FAM83B: variants seen among roughly 807,000 people sequenced by gnomAD.
FAM83B encodes protein FAM83B.
A neutral mutation model predicts 38.8 loss-of-function variants in FAM83B; 26 were observed. The ratio of observed to expected loss-of-function variants is 0.67; its 90% CI spans 0.49 to 0.93. FAM83B has a LOEUF of 0.93. Ranked by LOEUF, FAM83B falls within the 40% of genes least tolerant of loss-of-function variation. The probability of loss-of-function intolerance (pLI) is 0.00; values close to 1 mark genes in which losing one functional copy is unlikely to be tolerated. For missense variants in FAM83B, 1,237 were observed against 1,197.3 expected (o/e 1.03, Z -0.49); for synonymous variants, 419 against 423.1 (o/e 0.99, Z 0.12).
chr6:54,884,966 G>T (rs983311960), intron 2 of FAM83B, among the ~76,000 whole-genome samples: 1 of 152,018 alleles, frequency 6.6e-6, no homozygotes, highest in Non-Finnish European at 1.5e-5. Flanking sequence ...TAGAGACGGG[G>T]TTTCACTGTG....
intron 1 of FAM83B, among the ~76,000 whole-genome samples, chr6:54,857,767 A>G (rs993715925): frequency 1.3e-5 from 2 of 152,222 alleles, no homozygotes; most frequent in African/African-American, 4.8e-5. Context: ...CTTACTTCAC[A>G]TAATAAGTGT....
intron 4 of FAM83B, among the ~76,000 whole-genome samples, chr6:54,933,187 C>A (rs1034147215): frequency 6.6e-6 from 1 of 151,554 alleles, no homozygotes; most frequent in African/African-American, 2.4e-5. Context: ...TATCCATGAC[C>A]TGTCTTCAAG....
At chr6:54,848,215 T>C (rs1478557460) in intron 1 of FAM83B, among the ~76,000 whole-genome samples, 1 of 152,202 alleles carries the variant, frequency 6.6e-6, no homozygotes, top group Non-Finnish European at 1.5e-5. Context: ...TGTTTCTCTC[T>C]GTCTTCCTAT....
chr6:54,847,985 G>A (rs1018820274), intron 1 of FAM83B, among the ~76,000 whole-genome samples: 1 of 151,958 alleles, frequency 6.6e-6, no homozygotes, highest in Non-Finnish European at 1.5e-5. Flanking sequence ...CCTAACAAGT[G>A]CAAGAGCCCC....
chr6:54,922,655 A>G (rs1297166111), intron 2 of FAM83B, among the ~76,000 whole-genome samples: 2 of 152,116 alleles, frequency 1.3e-5, no homozygotes, highest in Non-Finnish European at 2.9e-5. Flanking sequence ...TGTTCTTTCT[A>G]GAGAAAATCT....
intron 2 of FAM83B, among the ~76,000 whole-genome samples, chr6:54,889,619 A>G (rs1772356772): frequency 6.6e-6 from 1 of 152,148 alleles, no homozygotes; most frequent in African/African-American, 2.4e-5. Flanking sequence ...GTACAAAGCA[A>G]GTGCTGTGTA....
At chr6:54,925,610 A>G (rs182301641) in intron 2 of FAM83B, among the ~76,000 whole-genome samples, 77 of 152,242 alleles carry the variant, frequency 5.1e-4, no homozygotes, top group African/African-American at 1.8e-3. Context: ...AATTTTAGGC[A>G]AGTACAGCTG....
chr6:54,915,071 T>G (rs1411672133), intron 2 of FAM83B, among the ~76,000 whole-genome samples: 1 of 152,054 alleles, frequency 6.6e-6, no homozygotes, highest in South Asian at 2.1e-4. Flanking sequence ...ATTCTTTTGA[T>G]GTTCACCCAC....
intron 1 of FAM83B, among the ~76,000 whole-genome samples, chr6:54,868,812 A>G (rs1260522666): frequency 6.6e-6 from 1 of 152,188 alleles, no homozygotes; most frequent in Non-Finnish European, 1.5e-5. Flanking sequence ...TTATTCCTGT[A>G]TCATATTTAA....
chr6:54,926,662 T>C lies in FAM83B; in HGVS notation c.609+127T>C, dbSNP rs962596245. 2.6e-5 allele frequency: 17 copies of C among 643,284 alleles called. No homozygotes were observed. In the Middle Eastern group the frequency reaches 1.8e-3, roughly 69 times the overall value. 39.8% of individuals were successfully genotyped at this position (643,284 alleles called of 1,614,324 possible). A position where few individuals can be genotyped will look rare whatever the true frequency, so the allele number is the denominator to read the frequency against. ...AAAAAAAAATACGTATTTAAGGTTA[T>C]GGAATGATTGATCACAGAAAGGTCC... On this transcript the variant is annotated intron_variant, in intron 3 of 4. Transcript: ENST00000306858.
intron 2 of FAM83B, among the ~76,000 whole-genome samples, chr6:54,884,775 ATT>A (rs34445504): frequency 9.2e-4 from 130 of 141,558 alleles, no homozygotes; most frequent in East Asian, 1.5e-3. Flanking sequence ...GTCCTCCAGT[ATT>A]TTTTTTTTTT....
At chr6:54,924,747 G>A (rs1341655653) in intron 2 of FAM83B, among the ~76,000 whole-genome samples, 1 of 151,710 alleles carries the variant, frequency 6.6e-6, no homozygotes. Flanking sequence ...AAGACCTTTG[G>A]ACTCAAAGAT....
chr6:54,876,334 T>TG lies in FAM83B; in HGVS notation c.444+5644_444+5645insG, dbSNP rs386407119. Among the ~76,000 whole-genome samples the TG allele has an allele frequency of 1.5e-3, 220 of 145,306 alleles. No individual in the cohort carries two copies. In the Middle Eastern group the frequency reaches 0.018, roughly 12 times the overall value. On this transcript the variant is annotated intron_variant, in intron 2 of 4. Transcript: ENST00000306858. ...ATATATATATATGTTTTTGTTTTTT[T>TG]TTTTTTTGAGACAGAGTTTTGTTCT...
intron 2 of FAM83B, among the ~76,000 whole-genome samples, chr6:54,887,498 A>C (rs763808835): frequency 2.6e-5 from 4 of 152,108 alleles, no homozygotes; most frequent in Non-Finnish European, 4.4e-5. Flanking sequence ...TAATTCTTGT[A>C]TAGTCCTCCT....
At chr6:54,874,904 G>A (rs1213061158) in intron 2 of FAM83B, among the ~76,000 whole-genome samples, 1 of 152,130 alleles carries the variant, frequency 6.6e-6, no homozygotes, top group African/African-American at 2.4e-5. Context: ...TCCTGGGTGT[G>A]TCTGTTATGG....
At chr6:54,871,601 G>T (rs533513418) in intron 2 of FAM83B, among the ~76,000 whole-genome samples, 25 of 137,812 alleles carry the variant, frequency 1.8e-4, no homozygotes, top group Admixed American at 2.9e-4. Context: ...TAATAAGCCG[G>T]ATGTGGTGGC....
chr6:54,932,865 T>C (rs1442630229), intron 4 of FAM83B, among the ~76,000 whole-genome samples: 1 of 152,174 alleles, frequency 6.6e-6, no homozygotes, highest in Non-Finnish European at 1.5e-5. Context: ...ACAAATCACC[T>C]TTCTTTTGAT....
intron 1 of FAM83B, 67 bp from the exon 2 acceptor site, chr6:54,870,120 A>G: frequency 3.0e-6 from 2 of 675,808 alleles, no homozygotes; most frequent in South Asian, 2.0e-5. Flanking sequence ...AATAGTTGAT[A>G]TGTATCATAA....
intron 1 of FAM83B, among the ~76,000 whole-genome samples, chr6:54,863,706 A>G (rs1479234740): frequency 6.6e-6 from 1 of 152,204 alleles, no homozygotes; most frequent in African/African-American, 2.4e-5. Context: ...AATTTTTGAT[A>G]TAAATTAAAA....
Sources: allele counts gnomAD v4.1 joint callset (sites outside exome capture counted in the v4.1 genomes callset), GRCh38; gene constraint gnomAD v4.1.1; transcripts MANE v1.5; gene names NCBI Gene and HGNC (gene_info 2026-07-23, HGNC 2026-07-21).